EPYC: variants seen among roughly 807,000 people sequenced by gnomAD.
The protein encoded by EPYC is epiphycan, also known as dermatan sulfate proteoglycan 3.
EPYC carries 28 observed loss-of-function variants against 30.1 expected under a neutral mutation model. The ratio of observed to expected loss-of-function variants is 0.93; its 90% CI spans 0.69 to 1.28. EPYC has a LOEUF of 1.28. Ranked by LOEUF, EPYC falls within the 50% of genes most tolerant of loss-of-function variation. The pLI is 0.00. For missense variants in EPYC, 382 were observed against 383.5 expected (o/e 1.00, Z 0.03); for synonymous variants, 144 against 141.4 (o/e 1.02, Z -0.13).
At chr12:90,968,358 A>G (rs1185116411) in intron 6 of EPYC, among the ~76,000 whole-genome samples, 1 of 152,204 alleles carries the variant, frequency 6.6e-6, no homozygotes, top group East Asian at 1.9e-4. Context: ...TTTAATCCAC[A>G]TGAGAAATCA....
At chr12:90,983,538 TC>T (rs1475666542) in intron 2 of EPYC, among the ~76,000 whole-genome samples, 1 of 152,000 alleles carries the variant, frequency 6.6e-6, no homozygotes, top group Non-Finnish European at 1.5e-5. Flanking sequence ...TTCTTATACT[TC>T]CGGGCTGAGC....
intron 2 of EPYC, among the ~76,000 whole-genome samples, chr12:90,991,773 A>G (rs1877590276): frequency 6.6e-6 from 1 of 152,166 alleles, no homozygotes. Flanking sequence ...TGGCTTAGGC[A>G]CTGGGATTTT....
At chr12:90,983,798 T>A (rs964120020) in intron 2 of EPYC, among the ~76,000 whole-genome samples, 1 of 152,156 alleles carries the variant, frequency 6.6e-6, no homozygotes, top group Admixed American at 6.5e-5. Flanking sequence ...TATTTTTTCC[T>A]ATAAGAATGA....
chr12:90,979,945 T>C (rs1007928861), intron 2 of EPYC, among the ~76,000 whole-genome samples: 1 of 152,186 alleles, frequency 6.6e-6, no homozygotes, highest in Admixed American at 6.6e-5. Context: ...AAACAGATTA[T>C]ACTGTCTTTG....
At chr12:90,987,414 C>A (rs1055143782) in intron 2 of EPYC, among the ~76,000 whole-genome samples, 1 of 150,350 alleles carries the variant, frequency 6.7e-6, no homozygotes, top group Non-Finnish European at 1.5e-5. Flanking sequence ...ATACTCCTGA[C>A]CAAAATTGGC....
chr12:90,990,640 G>A (rs1877561782), intron 2 of EPYC, among the ~76,000 whole-genome samples: 1 of 152,038 alleles, frequency 6.6e-6, no homozygotes, highest in Non-Finnish European at 1.5e-5. Context: ...TCCCACTTGG[G>A]AAGCTAATTA....
In EPYC at chr12:90,978,118, T is replaced by C; in HGVS notation, c.310A>G (p.Thr104Ala). The C allele has an allele frequency of 6.3e-7, 1 of 1,590,172 alleles. No homozygotes were observed. Among genetic ancestry groups the C allele is most frequent in the East Asian group, 2.3e-5 (1 of 43,788 alleles). ...TTTGTGTGTGGCCCCAGAACCCCTG[T>C]GAATTCAGGCTCCTGGGGAGAAGAG... The part of the protein sequence containing the change: ...DGSSPQEPEF[T>A]GVLGPHTNED... Residue 104 changes from threonine to alanine, a missense_variant, in exon 3 of 7, where the codon ACA becomes GCA. Coordinates refer to ENST00000261172, the MANE Select transcript of EPYC (RefSeq NM_004950.5).
chr12:90,979,648 G>C (rs1002320022), intron 2 of EPYC, among the ~76,000 whole-genome samples: 1 of 152,030 alleles, frequency 6.6e-6, no homozygotes, highest in Non-Finnish European at 1.5e-5. Flanking sequence ...TGCTTCCATA[G>C]AGTCTCTCTA....
intron 1 of EPYC, among the ~76,000 whole-genome samples, chr12:91,004,355 A>T (rs1752286995): frequency 6.6e-6 from 1 of 152,104 alleles, no homozygotes; most frequent in African/African-American, 2.4e-5. Context: ...AAATATATAC[A>T]GCATCTATCT....
In EPYC at chr12:90,970,041, T is replaced by C. The variant is rs1592622252; in HGVS notation, c.798+3A>G. ...TGGGCGCACCTTACTGGTAGACTCCTACCTGGAGGTGAAGGGCTCGTAGAT... is the reference window on the plus strand; with the variant it reads ...TGGGCGCACCTTACTGGTAGACTCCCACCTGGAGGTGAAGGGCTCGTAGAT... On this transcript the variant is annotated splice_donor_region_variant and intron_variant, in intron 6 of 6. Transcript: ENST00000261172. 1 of 1,611,104 alleles carries C rather than the reference T, an allele frequency of 6.2e-7. No individual in the cohort carries two copies. Among genetic ancestry groups the C allele is most frequent in the South Asian group, 1.1e-5 (1 of 91,012 alleles).
In EPYC at chr12:90,970,161, GAACTCAATAAA is replaced by G. The variant is rs200919897; in HGVS notation, c.703-33_703-23del. 1,731 of 1,547,060 alleles carry G rather than the reference GAACTCAATAAA, an allele frequency of 1.1e-3. 15 individuals carry two copies. The highest frequency in any genetic ancestry group is 0.011 in the African/African-American group (810 of 73,172). On this transcript the variant is annotated intron_variant, in intron 5 of 6. Transcript: ENST00000261172. ...TGTCCTGTAAACATTCCAAATGTGGGAACTCAATAAAAACTCAATAAAAACTCAATAAGAAA... is the reference window on the plus strand; with the variant it reads ...TGTCCTGTAAACATTCCAAATGTGGGAACTCAATAAAAACTCAATAAGAAA...
intron 2 of EPYC, among the ~76,000 whole-genome samples, chr12:90,997,336 T>G (rs183276086): frequency 1.3e-4 from 11 of 86,506 alleles, no homozygotes; most frequent in African/African-American, 3.5e-4. Flanking sequence ...TTAATCTGGA[T>G]GAAGCCAAGA....
At chr12:90,970,610 A>G (rs1320571983) in intron 5 of EPYC, among the ~76,000 whole-genome samples, 1 of 152,234 alleles carries the variant, frequency 6.6e-6, no homozygotes, top group East Asian at 1.9e-4. Flanking sequence ...AAACATTTAG[A>G]CAATAGCTGT....
In EPYC at chr12:90,978,181, C is replaced by T; in HGVS notation, c.247G>A (p.Glu83Lys). ...PPQPEKAQEE[E>K]EEEESTPRLI... ...CTGGGAGTAGATTCCTCCTCCTCTT[C>T]CTCTTCCTGGGCCTTCTCAGGCTGT... The change falls in exon 3 of 7, where the codon GAA (glutamate) becomes AAA (lysine). Residue 83 changes from glutamate to lysine, a missense_variant. Coordinates refer to ENST00000261172, the MANE Select transcript of EPYC (RefSeq NM_004950.5). 2 of 1,607,356 alleles carry T rather than the reference C, an allele frequency of 1.2e-6. No individual in the cohort carries two copies. Among genetic ancestry groups the T allele is most frequent in the East Asian group, 2.3e-5 (1 of 44,276 alleles).
At chr12:91,001,922 C>T (rs895046386) in intron 2 of EPYC, among the ~76,000 whole-genome samples, 1 of 152,018 alleles carries the variant, frequency 6.6e-6, no homozygotes, top group African/African-American at 2.4e-5. Flanking sequence ...GGTGCAGTGG[C>T]TTACACCTGT....
intron 2 of EPYC, among the ~76,000 whole-genome samples, chr12:90,987,739 C>T (rs865952561): frequency 6.6e-6 from 1 of 152,114 alleles, no homozygotes; most frequent in Non-Finnish European, 1.5e-5. Context: ...AGTGGTAGAA[C>T]CACTCCATTG....
chr12:90,992,320 G>A (rs766228051), intron 2 of EPYC, among the ~76,000 whole-genome samples: 3 of 152,158 alleles, frequency 2.0e-5, no homozygotes, highest in African/African-American at 4.8e-5. Context: ...CTCACAGCTT[G>A]TTAAGAACTG....
chr12:90,978,300 A>G (rs1877242215), intron 2 of EPYC, 38 bp from the exon 3 acceptor site: 1 of 1,558,906 alleles, frequency 6.4e-7, no homozygotes, highest in Non-Finnish European at 8.6e-7. Flanking sequence ...CTTCAGGCCA[A>G]CTTCTCAGTC....
chr12:91,004,274 T>A (rs967574634), intron 1 of EPYC, among the ~76,000 whole-genome samples: 3 of 152,132 alleles, frequency 2.0e-5, no homozygotes, highest in Non-Finnish European at 2.9e-5. Context: ...TATAGCTACA[T>A]CTCAGAATTT....
Sources: gnomAD v4.1 joint callset for allele counts (sites outside exome capture counted in the v4.1 genomes callset) on GRCh38, gnomAD v4.1.1 for gene constraint, MANE v1.5 for transcripts, NCBI Gene and HGNC (gene_info 2026-07-23, HGNC 2026-07-21) for gene names.